SPTBN1: variants seen among roughly 807,000 people sequenced by gnomAD.
The protein encoded by SPTBN1 is spectrin beta chain, non-erythrocytic 1.
A neutral mutation model predicts 266.4 loss-of-function variants in SPTBN1; 32 were observed. The ratio of observed to expected loss-of-function variants is 0.12; its 90% CI spans 0.09 to 0.16. The LOEUF is 0.16. Ranked by LOEUF, SPTBN1 falls within the 10% of genes least tolerant of loss-of-function variation. The pLI is 1.00. For missense variants in SPTBN1, 2,296 were observed against 3,067.1 expected, an observed-to-expected ratio of 0.75 and a Z score of 5.94; for synonymous variants, 1,336 against 1,162.2, an observed-to-expected ratio of 1.15 and a Z score of -3.04.
chr2:54,607,889 A>C (rs1676954630), intron 3 of SPTBN1, among the ~76,000 whole-genome samples: 1 of 152,198 alleles, frequency 6.6e-6, no homozygotes, highest in Admixed American at 6.5e-5. Context: ...GGAGAAAAGA[A>C]AGTGAAAAAT....
chr2:54,513,084 A>T (rs927701354), intron 1 of SPTBN1, among the ~76,000 whole-genome samples: 17 of 152,076 alleles, frequency 1.1e-4, no homozygotes, highest in African/African-American at 3.9e-4. Flanking sequence ...TCCAGCTACC[A>T]GGGAGGCTGA....
intron 17 of SPTBN1, 109 bp downstream of exon 17, chr2:54,632,877 A>G: frequency 8.5e-7 from 1 of 1,181,962 alleles, no homozygotes; most frequent in Non-Finnish European, 1.2e-6. Context: ...CCCAGTGGGC[A>G]GAATATGGGT....
intron 29 of SPTBN1, 45 bp from the exon 30 acceptor site, chr2:54,657,805 G>T: frequency 6.2e-7 from 1 of 1,612,080 alleles, no homozygotes; most frequent in Non-Finnish European, 8.5e-7. Context: ...ATGACTGCCC[G>T]GCACCTCCTG....
At chr2:54,574,894 T>C (rs1674354191) in intron 2 of SPTBN1, among the ~76,000 whole-genome samples, 1 of 152,206 alleles carries the variant, frequency 6.6e-6, no homozygotes. Context: ...GAACATATTA[T>C]TTATCCCTTC....
At chr2:54,655,294 C>T (rs1680576564) in intron 28 of SPTBN1, 86 bp downstream of exon 28, 3 of 1,525,310 alleles carry the variant, frequency 2.0e-6, no homozygotes, top group South Asian at 2.5e-5. Flanking sequence ...GTCAGAGATA[C>T]TGTGTTTACA....
rs1412542743 is a variant in SPTBN1, at chr2:54,645,541, A to T, written c.4494+88A>T. The T allele has an allele frequency of 7.1e-7, 1 of 1,409,676 alleles. No individual in the cohort carries two copies. The highest frequency in any genetic ancestry group is 1.4e-5 in the African/African-American group (1 of 69,904). 87.3% of individuals were successfully genotyped at this position (1,409,676 alleles called of 1,614,324 possible). ...ACATTCTCACTTCTCAGTCATCCTCACCTTGGGCCACGTTGGCAAGCTGAG... is the reference window on the plus strand; with the variant it reads ...ACATTCTCACTTCTCAGTCATCCTCTCCTTGGGCCACGTTGGCAAGCTGAG... On this transcript the variant is annotated intron_variant, in intron 21 of 35. Transcript: ENST00000356805. The surrounding 1 kb of genome is among the most constrained non-coding windows in gnomAD (Gnocchi z 4.3).
chr2:54,464,398 G>T (rs1693521598), intron 1 of SPTBN1, among the ~76,000 whole-genome samples: 1 of 152,204 alleles, frequency 6.6e-6, no homozygotes, highest in African/African-American at 2.4e-5. Context: ...TAATACAGGG[G>T]TTAGTGGAAA....
At chr2:54,585,908 A>G (rs933529324) in intron 2 of SPTBN1, among the ~76,000 whole-genome samples, 1 of 152,190 alleles carries the variant, frequency 6.6e-6, no homozygotes, top group Non-Finnish European at 1.5e-5. Flanking sequence ...ATAACCGTGG[A>G]TTGGGTCAGC....
At chr2:54,541,804 A>G (rs1671957197) in intron 2 of SPTBN1, among the ~76,000 whole-genome samples, 1 of 152,248 alleles carries the variant, frequency 6.6e-6, no homozygotes, top group Admixed American at 6.5e-5. Context: ...ACATAAAGGT[A>G]TGTATATTTG....
intron 12 of SPTBN1, among the ~76,000 whole-genome samples, chr2:54,627,119 G>C (rs569277367): frequency 6.6e-6 from 1 of 152,182 alleles, no homozygotes; most frequent in Non-Finnish European, 1.5e-5. Flanking sequence ...GATATAAGCT[G>C]TCATCTGTTG....
intron 1 of SPTBN1, among the ~76,000 whole-genome samples, chr2:54,482,236 C>T (rs1260438907): frequency 1.3e-5 from 2 of 151,936 alleles, no homozygotes; most frequent in Non-Finnish European, 1.5e-5. Context: ...AGGTGTCAGC[C>T]GGGCATGGTG....
intron 2 of SPTBN1, among the ~76,000 whole-genome samples, chr2:54,577,045 A>G (rs1674533555): frequency 6.6e-6 from 1 of 152,172 alleles, no homozygotes; most frequent in African/African-American, 2.4e-5. Flanking sequence ...TACTTGGGAC[A>G]TCATGCAAGT....
At chr2:54,551,095 A>T (rs1288806812) in intron 2 of SPTBN1, among the ~76,000 whole-genome samples, 1 of 152,108 alleles carries the variant, frequency 6.6e-6, no homozygotes, top group Non-Finnish European at 1.5e-5. Context: ...CAAAGAATAG[A>T]TTTGTATTTA....
chr2:54,605,490 A>C (rs372846266), intron 3 of SPTBN1, among the ~76,000 whole-genome samples: 1 of 152,248 alleles, frequency 6.6e-6, no homozygotes, highest in Admixed American at 6.5e-5. Context: ...ACAGTTGTCA[A>C]CCACCTAGCA....
chr2:54,553,718 A>G (rs935311092), intron 2 of SPTBN1, among the ~76,000 whole-genome samples: 6 of 152,214 alleles, frequency 3.9e-5, no homozygotes, highest in South Asian at 2.1e-4. Context: ...TCAAATCCCA[A>G]GGTTGAATGT....
chr2:54,485,134 G>T (rs1668286205), intron 1 of SPTBN1, among the ~76,000 whole-genome samples: 1 of 111,504 alleles, frequency 9.0e-6, no homozygotes, highest in Non-Finnish European at 2.1e-5. Flanking sequence ...ATAAAATATT[G>T]AAAACAATCG....
At chr2:54,561,209 A>G (rs1328776639) in intron 2 of SPTBN1, among the ~76,000 whole-genome samples, 2 of 152,216 alleles carry the variant, frequency 1.3e-5, no homozygotes, top group Admixed American at 6.5e-5. Flanking sequence ...CAGTGGCACA[A>G]TCACGACTCA....
chr2:54,658,744 C>G (rs1680839499), intron 30 of SPTBN1, among the ~76,000 whole-genome samples: 1 of 152,130 alleles, frequency 6.6e-6, no homozygotes, highest in South Asian at 2.1e-4. Context: ...GAACACAGAT[C>G]CCCACCACAG....
Position 54,649,121 on chromosome 2 carries a change from G to C in SPTBN1, c.5133G>C (p.Glu1711Asp). 1 of 1,613,752 alleles carries C rather than the reference G, an allele frequency of 6.2e-7. No individual in the cohort carries two copies. The highest frequency in any genetic ancestry group is 8.5e-7 in the Non-Finnish European group (1 of 1,179,718). Residue 1711 changes from glutamate to aspartate, a missense_variant, in exon 25 of 36, where the codon GAG (glutamate) becomes GAC (aspartate). By Grantham distance (45) the Glu-to-Asp change is conservative (BLOSUM62 2). Around this residue, in one of 12 missense-constraint regions of SPTBN1, gnomAD observed 644 missense variants for 745.3 expected, o/e 0.86. Transcript: ENST00000356805. The surrounding 1 kb of genome is among the most constrained non-coding windows in gnomAD (Gnocchi z 6.7). ...FQLNREVDDLEQWIAEREVVA... is the reference protein window; with the variant it reads ...FQLNREVDDLDQWIAEREVVA... The stretch of plus-strand genomic sequence containing the variant: ...TCAACCGGGAGGTGGACGACCTGGA[G>C]CAGTGGATCGCTGAGAGGGAGGTGG...
Sources: gnomAD v4.1 joint callset for allele counts (sites outside exome capture counted in the v4.1 genomes callset) on GRCh38, gnomAD v4.1.1 for gene constraint, gnomAD v4.1.1 regional missense constraint, Gnocchi (gnomAD v3.1) non-coding constraint, MANE v1.5 for transcripts, NCBI Gene and HGNC (gene_info 2026-07-23, HGNC 2026-07-21) for gene names.